GLIS3: variants seen among roughly 807,000 people sequenced by gnomAD.
GLIS3 encodes GLIS family zinc finger 3, also known as zinc finger protein GLIS3.
In GLIS3, 53 loss-of-function variants were observed where a neutral mutation model predicts 78.6. The observed-to-expected ratio is 0.67, with a 90% confidence interval of 0.54 to 0.85. The LOEUF is 0.85. GLIS3 is among the 40% of genes least tolerant of loss of function. GLIS3 has a pLI of 0.00. For missense variants in GLIS3, 1,703 were observed against 1,231.1 expected (o/e 1.38, Z -5.74); for synonymous variants, 684 against 509.9 (o/e 1.34, Z -4.60).
At chr9:4,253,575 A>T (rs1406591871) in intron 2 of GLIS3, among the ~76,000 whole-genome samples, 1 of 152,074 alleles carries the variant, frequency 6.6e-6, no homozygotes, top group African/African-American at 2.4e-5. Context: ...GAGCTAGACC[A>T]CTTGTCTCCC....
the GLIS3 span, among the ~76,000 whole-genome samples, chr9:4,445,064 A>G: frequency 6.6e-6 from 1 of 152,166 alleles, no homozygotes; most frequent in East Asian, 1.9e-4. Context: ...ATCATTATGC[A>G]TCAACTCTGG....
chr9:4,279,733 A>T (rs1827380389), intron 2 of GLIS3, among the ~76,000 whole-genome samples: 1 of 152,110 alleles, frequency 6.6e-6, no homozygotes, highest in African/African-American at 2.4e-5. Context: ...CTCCACTGCC[A>T]CATCATTAAT....
intron 3 of GLIS3, among the ~76,000 whole-genome samples, chr9:4,309,311 CATTAAA>C (rs1191907866): frequency 6.6e-6 from 1 of 152,140 alleles, no homozygotes; most frequent in East Asian, 1.9e-4. Context: ...TATAACCTGT[CATTAAA>C]ATTAAGACTT....
chr9:4,462,845 A>T, the GLIS3 span, among the ~76,000 whole-genome samples: 24 of 152,332 alleles, frequency 1.6e-4, no homozygotes, highest in African/African-American at 5.8e-4. Context: ...CTGGTCCTTC[A>T]TCCCAAATCG....
At chr9:4,034,034 C>T (rs72687903) in intron 4 of GLIS3, among the ~76,000 whole-genome samples, 14,476 of 151,548 alleles carry the variant, frequency 0.096, 722 homozygotes, top group Non-Finnish European at 0.11. Context: ...ACAGCCTAGG[C>T]AACATTGTGA....
At chr9:4,209,899 C>T (rs1031038801) in intron 2 of GLIS3, among the ~76,000 whole-genome samples, 1 of 151,980 alleles carries the variant, frequency 6.6e-6, no homozygotes, top group African/African-American at 2.4e-5. Context: ...CAGGCCAAGA[C>T]TGCAAAGAGG....
chr9:3,951,108 T>C (rs554075491), intron 4 of GLIS3, among the ~76,000 whole-genome samples: 2 of 152,312 alleles, frequency 1.3e-5, no homozygotes, highest in South Asian at 4.1e-4. Flanking sequence ...CACAGAAATA[T>C]CTCAACTCAT....
chr9:4,138,420 G>A (rs779877616), intron 2 of GLIS3, among the ~76,000 whole-genome samples: 3 of 152,180 alleles, frequency 2.0e-5, no homozygotes, highest in Non-Finnish European at 2.9e-5. Context: ...AAATTGAGTT[G>A]CTTCACTGCT....
At chr9:4,138,813 T>A (rs1275245042) in intron 2 of GLIS3, among the ~76,000 whole-genome samples, 1 of 152,184 alleles carries the variant, frequency 6.6e-6, no homozygotes, top group Non-Finnish European at 1.5e-5. Flanking sequence ...CAGCACACAG[T>A]AAGTACTCTA....
Position 3,828,137 on chromosome 9 carries a change from G to T in GLIS3, c.*135C>A. On this transcript the variant is annotated 3_prime_UTR_variant, in exon 11 of 11. Transcript: ENST00000381971. ...GCTCTGCCATTCAGTCCTGCCTTCT[G>T]AAAGAACATCAGTAACTCTGCAGGG... 9.9e-7 allele frequency: 1 copy of T among 1,007,042 alleles called. No individual in the cohort carries two copies. Among genetic ancestry groups the T allele is most frequent in the Non-Finnish European group, 1.5e-6 (1 of 651,928 alleles). 62.4% of individuals were successfully genotyped at this position (1,007,042 alleles called of 1,614,324 possible).
In GLIS3 at chr9:3,856,170, G is replaced by A. The variant is rs1819777348; in HGVS notation, c.2312C>T (p.Ala771Val). The change falls in exon 9 of 11, where the codon GCT becomes GTT. Residue 771 changes from alanine to valine, a missense_variant. By Grantham distance (64) the Ala-to-Val change is moderately conservative. Coordinates refer to ENST00000381971, the MANE Select transcript of GLIS3 (RefSeq NM_001042413.2). Reference protein sequence around the residue: ...DAGAERFAPSAPSPHHISPRR... With the variant: ...DAGAERFAPSVPSPHHISPRR... ...GGGGCTGATGTGGTGAGGAGATGGA[G>A]CAGAAGGTGCAAACCTGAGAAAACA... The A allele has an allele frequency of 6.2e-7, 1 of 1,613,946 alleles. No homozygotes were observed. The highest frequency in any genetic ancestry group is 8.5e-7 in the Non-Finnish European group (1 of 1,179,930).
intron 2 of GLIS3, among the ~76,000 whole-genome samples, chr9:4,214,623 C>G (rs1244839621): frequency 6.6e-6 from 1 of 152,242 alleles, no homozygotes; most frequent in South Asian, 2.1e-4. Context: ...CACTTTTTTT[C>G]TTCTGGTTTT....
chr9:4,482,421 G>C, the GLIS3 span, among the ~76,000 whole-genome samples: 1 of 152,270 alleles, frequency 6.6e-6, no homozygotes, highest in East Asian at 1.9e-4. Context: ...ACTGAGATTG[G>C]AAGATGAAGA....
At chr9:4,376,808 C>G in the GLIS3 span, among the ~76,000 whole-genome samples, 1 of 135,482 alleles carries the variant, frequency 7.4e-6, no homozygotes, top group African/African-American at 2.6e-5. Flanking sequence ...CTGAGATACT[C>G]CTGTGTTCTG....
intron 8 of GLIS3, among the ~76,000 whole-genome samples, chr9:3,869,995 GGAAGTTTTTATATA>G (rs1820868269): frequency 6.6e-6 from 1 of 152,124 alleles, no homozygotes; most frequent in Admixed American, 6.6e-5. Context: ...GGAAGAAAAA[GGAAGTTTTTATATA>G]GAAACAAAGC....
chr9:3,951,139 G>A (rs1816652765), intron 4 of GLIS3, among the ~76,000 whole-genome samples: 1 of 152,140 alleles, frequency 6.6e-6, no homozygotes, highest in Non-Finnish European at 1.5e-5. Context: ...TTATCCACCA[G>A]GGAGATGAAT....
the GLIS3 span, among the ~76,000 whole-genome samples, chr9:4,428,232 C>T: frequency 6.6e-6 from 1 of 151,450 alleles, no homozygotes; most frequent in Non-Finnish European, 1.5e-5. Context: ...TAATCCCAGC[C>T]CTTTGGGAGG....
At chr9:4,456,290 T>A in the GLIS3 span, among the ~76,000 whole-genome samples, 1 of 152,222 alleles carries the variant, frequency 6.6e-6, no homozygotes, top group Non-Finnish European at 1.5e-5. Flanking sequence ...TATTGATGGC[T>A]GCTGACAGAT....
intron 2 of GLIS3, among the ~76,000 whole-genome samples, chr9:4,185,929 G>A (rs1328853451): frequency 4.6e-5 from 7 of 152,096 alleles, no homozygotes; most frequent in Non-Finnish European, 1.0e-4. Context: ...GAAAATGGAA[G>A]GACAGTCAGA....
Sources: gnomAD v4.1 joint callset for allele counts (sites outside exome capture counted in the v4.1 genomes callset) on GRCh38, gnomAD v4.1.1 for gene constraint, MANE v1.5 for transcripts, NCBI Gene and HGNC (gene_info 2026-07-23, HGNC 2026-07-21) for gene names.